CCBE1: variants seen among roughly 807,000 people sequenced by gnomAD.
The protein encoded by CCBE1 is collagen and calcium binding EGF domains 1, also known as collagen and calcium-binding EGF domain-containing protein 1.
Under a neutral mutation model 50.0 loss-of-function variants are expected in CCBE1, and 37 were observed. The observed-to-expected ratio is 0.74, with a 90% CI of 0.57 to 0.97. The LOEUF is 0.97. CCBE1 is among the 50% of genes least tolerant of loss of function. CCBE1 has a pLI of 0.00. For missense variants in CCBE1, 538 were observed against 523.8 expected (o/e 1.03, Z -0.26); for synonymous variants, 234 against 203.7 (o/e 1.15, Z -1.27).
intron 3 of CCBE1, among the ~76,000 whole-genome samples, chr18:59,474,325 G>A (rs540923409): frequency 6.6e-6 from 1 of 152,196 alleles, no homozygotes; most frequent in African/African-American, 2.4e-5. Context: ...TATTCACGGT[G>A]TATTTAAAAC....
In CCBE1 at chr18:59,684,418, C is replaced by T. The variant is rs563641557; in HGVS notation, c.212+12211G>A. Among the ~76,000 whole-genome samples the T allele has an allele frequency of 3.3e-5, 5 of 152,274 alleles. No individual in the cohort carries two copies. The South Asian group carries it at 8.3e-4, about 25-fold the overall frequency. Reference sequence around the variant, plus strand: ...GAGCTAAGATCGTGCCACAGCACTCCAGCCTGGGTGATAGAGTGGGACTCT... The same window carrying T: ...GAGCTAAGATCGTGCCACAGCACTCTAGCCTGGGTGATAGAGTGGGACTCT... On this transcript the variant is annotated intron_variant, in intron 2 of 10. Coordinates refer to ENST00000439986, the MANE Select transcript of CCBE1 (RefSeq NM_133459.4).
intron 2 of CCBE1, among the ~76,000 whole-genome samples, chr18:59,642,763 C>T (rs1463352271): frequency 2.0e-5 from 3 of 151,892 alleles, no homozygotes; most frequent in Non-Finnish European, 2.9e-5. Flanking sequence ...GCCTGGCCAA[C>T]GTGGTGAAAC....
intron 2 of CCBE1, among the ~76,000 whole-genome samples, chr18:59,493,225 C>A (rs372208094): frequency 6.6e-6 from 1 of 152,178 alleles, no homozygotes; most frequent in Non-Finnish European, 1.5e-5. Flanking sequence ...GTTAATAAAT[C>A]ATGATGTGAC....
At chr18:59,439,335 C>CA (rs1233452074) in intron 9 of CCBE1, among the ~76,000 whole-genome samples, 1 of 151,686 alleles carries the variant, frequency 6.6e-6, no homozygotes, top group African/African-American at 2.4e-5. Context: ...AGTGGTGGTG[C>CA]ACACCTGTGG....
At chr18:59,457,621 A>C (rs1479782358) in intron 5 of CCBE1, among the ~76,000 whole-genome samples, 1 of 152,214 alleles carries the variant, frequency 6.6e-6, no homozygotes, top group Admixed American at 6.5e-5. Context: ...TGATAATCCC[A>C]GAACCCTAGA....
At chr18:59,448,567 G>A (rs533909112) in intron 6 of CCBE1, among the ~76,000 whole-genome samples, 23 of 152,224 alleles carry the variant, frequency 1.5e-4, no homozygotes, top group East Asian at 1.4e-3. Context: ...CATGGCTGAC[G>A]GTTCCCCAGC....
intron 2 of CCBE1, among the ~76,000 whole-genome samples, chr18:59,654,791 CAA>C (rs34690890): frequency 9.5e-5 from 9 of 94,304 alleles, no homozygotes; most frequent in Admixed American, 2.4e-4. Flanking sequence ...ACTCCGTCTC[CAA>C]AAAAAAAAAA....
intron 2 of CCBE1, among the ~76,000 whole-genome samples, chr18:59,686,342 T>G (rs1568273258): frequency 6.6e-6 from 1 of 152,230 alleles, no homozygotes; most frequent in South Asian, 2.1e-4. Flanking sequence ...CAATTTGCAG[T>G]TGGCAGAAAA....
At chr18:59,471,293 A>C (rs548141595) in intron 3 of CCBE1, among the ~76,000 whole-genome samples, 41 of 152,306 alleles carry the variant, frequency 2.7e-4, no homozygotes, top group African/African-American at 9.6e-4. Flanking sequence ...GCATCTCTAA[A>C]TAGCTGACTT....
At chr18:59,498,358 CGTGA>C (rs1913455781) in intron 2 of CCBE1, among the ~76,000 whole-genome samples, 2 of 151,978 alleles carry the variant, frequency 1.3e-5, no homozygotes, top group African/African-American at 4.8e-5. Context: ...TCAGAGTTTC[CGTGA>C]GTGTGTTTTA....
chr18:59,601,010 G>GTTTTTTTTTTTTTTTTTTTTTTTT (rs71177045), intron 2 of CCBE1, among the ~76,000 whole-genome samples: 1 of 58,004 alleles, frequency 1.7e-5, no homozygotes, highest in African/African-American at 5.4e-5. Context: ...CTATGTGTCA[G>GTTTTTTTTTTTTTTTTTTTTTTTT]TTTTTTTTTT....
intron 2 of CCBE1, among the ~76,000 whole-genome samples, chr18:59,606,784 A>G (rs900818903): frequency 6.6e-5 from 10 of 152,248 alleles, no homozygotes; most frequent in Admixed American, 5.2e-4. Flanking sequence ...GGTTAACCTT[A>G]TATTTGCAAC....
At chr18:59,649,957 G>A (rs1345340358) in intron 2 of CCBE1, among the ~76,000 whole-genome samples, 4 of 152,232 alleles carry the variant, frequency 2.6e-5, no homozygotes, top group East Asian at 1.9e-4. Context: ...GGGAAAGGAG[G>A]GAGGGGTCCC....
In CCBE1 at chr18:59,649,884, C is replaced by T. The variant is rs77492426; in HGVS notation, c.212+46745G>A. 7.4e-3 allele frequency among the ~76,000 whole-genome samples: 1,132 copies of T among 152,322 alleles called. 22 individuals are homozygous for T. Among genetic ancestry groups the T allele is most frequent in the African/African-American group, 0.025 (1,055 of 41,556 alleles). ...ACTAGGCTGGGGCTCTGGCCTGGAGCTCTGAGCCTTGGGGTCCCACTGACC... is the reference window on the plus strand; with the variant it reads ...ACTAGGCTGGGGCTCTGGCCTGGAGTTCTGAGCCTTGGGGTCCCACTGACC... On this transcript the variant is annotated intron_variant, in intron 2 of 10. Coordinates refer to ENST00000439986, the MANE Select transcript of CCBE1 (RefSeq NM_133459.4).
At chr18:59,496,817 C>CTA (rs966194913) in intron 2 of CCBE1, among the ~76,000 whole-genome samples, 21 of 152,106 alleles carry the variant, frequency 1.4e-4, no homozygotes, top group Non-Finnish European at 2.2e-4. Flanking sequence ...ACATAAGCCT[C>CTA]TATGTTCAAG....
At chr18:59,655,235 G>A (rs559801312) in intron 2 of CCBE1, among the ~76,000 whole-genome samples, 6 of 152,252 alleles carry the variant, frequency 3.9e-5, no homozygotes, top group East Asian at 1.9e-4. Flanking sequence ...ACTGTTTCAC[G>A]TTTTTAGATA....
chr18:59,573,208 C>T (rs1314178877), intron 2 of CCBE1, among the ~76,000 whole-genome samples: 1 of 149,508 alleles, frequency 6.7e-6, no homozygotes, highest in Non-Finnish European at 1.5e-5. Context: ...TCGCTTGAAC[C>T]TGGGAGGCAG....
chr18:59,578,335 T>C (rs1215342791), intron 2 of CCBE1, among the ~76,000 whole-genome samples: 1 of 152,178 alleles, frequency 6.6e-6, no homozygotes, highest in Non-Finnish European at 1.5e-5. Context: ...AGAAATGTTT[T>C]TACACTGTTG....
chr18:59,449,694 T>C (rs561181242), intron 6 of CCBE1, among the ~76,000 whole-genome samples: 1 of 152,020 alleles, frequency 6.6e-6, no homozygotes, highest in Non-Finnish European at 1.5e-5. Context: ...GCTGTGTGAC[T>C]TTGGTAAGTC....
Sources: gnomAD v4.1 joint callset for allele counts (sites outside exome capture counted in the v4.1 genomes callset) on GRCh38, gnomAD v4.1.1 for gene constraint, MANE v1.5 for transcripts, NCBI Gene and HGNC (gene_info 2026-07-23, HGNC 2026-07-21) for gene names.